Variants in CACNA1E observed in about 807,000 individuals in gnomAD.
CACNA1E encodes the protein calcium voltage-gated channel subunit alpha1 E.
Under a neutral mutation model 259.2 loss-of-function variants are expected in CACNA1E, and 40 were observed. The ratio of observed to expected loss-of-function variants is 0.15; its 90% CI spans 0.12 to 0.20. The LOEUF (loss-of-function observed/expected upper bound fraction) is 0.20. Among genes scored for constraint, CACNA1E ranks in the 10% least tolerant of loss-of-function variants. The probability of loss-of-function intolerance (pLI) is 1.00; values close to 1 mark genes in which losing one functional copy is unlikely to be tolerated. For synonymous variants in CACNA1E, 1,104 were observed against 1,138.5 expected, an observed-to-expected ratio of 0.97 and a Z score of 0.61; for missense variants, 1,874 against 3,040.1, an observed-to-expected ratio of 0.62 and a Z score of 9.02.
At chr1:181,598,915 C>T (rs1166590221) in intron 6 of CACNA1E, among the ~76,000 whole-genome samples, 1 of 152,048 alleles carries the variant, frequency 6.6e-6, no homozygotes, top group Non-Finnish European at 1.5e-5. Context: ...TGGCTGTGGC[C>T]ACACTGTTTC....
intron 3 of CACNA1E, among the ~76,000 whole-genome samples, chr1:181,560,059 T>C (rs1649158144): frequency 6.6e-6 from 1 of 152,022 alleles, no homozygotes. Flanking sequence ...TGACCTTTAG[T>C]CATATTTGAA....
chr1:181,756,118 G>C (rs367855493), intron 29 of CACNA1E, 25 bp downstream of exon 29: 8 of 1,593,098 alleles, frequency 5.0e-6, no homozygotes, highest in Non-Finnish European at 6.9e-6. Context: ...TGTCATGCTT[G>C]TCTGTGGCTG....
At chr1:181,756,184 T>C (rs1259164285) in intron 29 of CACNA1E, 91 bp downstream of exon 29, 6 of 1,249,360 alleles carry the variant, frequency 4.8e-6, no homozygotes, top group Admixed American at 5.0e-5. Context: ...AGGCTCACGC[T>C]TTGTTATTGT....
At chr1:181,606,575 T>G (rs1472387410) in intron 6 of CACNA1E, among the ~76,000 whole-genome samples, 1 of 152,202 alleles carries the variant, frequency 6.6e-6, no homozygotes, top group Admixed American at 6.5e-5. Context: ...TTCAATCCAT[T>G]CTCTACTCCA....
intron 25 of CACNA1E, among the ~76,000 whole-genome samples, chr1:181,744,089 A>G (rs1034467757): frequency 1.3e-5 from 2 of 152,262 alleles, no homozygotes; most frequent in South Asian, 4.1e-4. Context: ...GCCAGAAACG[A>G]AAAACATGAG....
intron 43 of CACNA1E, among the ~76,000 whole-genome samples, chr1:181,789,380 A>G (rs3767022): frequency 0.052 from 7,898 of 152,314 alleles, 254 homozygotes; most frequent in Middle Eastern, 0.11. Flanking sequence ...AATCTAAAAA[A>G]ACATTCCTAT....
intron 7 of CACNA1E, among the ~76,000 whole-genome samples, chr1:181,695,095 A>G (rs531076336): frequency 6.6e-6 from 1 of 152,336 alleles, no homozygotes; most frequent in African/African-American, 2.4e-5. Context: ...AGTTAAATTT[A>G]AATTTAAATT....
chr1:181,409,401 T>C (rs1046479587), intron 1 of CACNA1E, among the ~76,000 whole-genome samples: 2 of 152,172 alleles, frequency 1.3e-5, no homozygotes, highest in African/African-American at 4.8e-5. Flanking sequence ...ATGGCCCCAC[T>C]CAACCATAGA....
Position 181,806,596 on chromosome 1 carries a change from A to G in CACNA1E, c.*7762A>G, listed in dbSNP as rs955968500. On this transcript the variant is annotated 3_prime_UTR_variant, in exon 48 of 48. Coordinates refer to ENST00000367573, the MANE Select transcript of CACNA1E (RefSeq NM_001205293.3). ...TTTGAATGGCAGCTGATGCTGGCCC[A>G]CCCAGAGTATCGGTGCATCTCTCCT... The G allele has an allele frequency of 6.6e-6, 1 of 152,236 alleles. No homozygotes were observed. Among genetic ancestry groups the G allele is most frequent in the Non-Finnish European group, 1.5e-5 (1 of 68,072 alleles). 9.4% of individuals were successfully genotyped at this position (152,236 alleles called of 1,614,324 possible).
At chr1:181,710,846 C>T (rs536954547) in intron 7 of CACNA1E, 108 bp from the exon 8 acceptor site, 1 of 779,446 alleles carries the variant, frequency 1.3e-6, no homozygotes, top group African/African-American at 1.7e-5. Flanking sequence ...GGTACATGGG[C>T]TTAATAGAGG....
At position 181,643,224 on chromosome 1, in the gene CACNA1E, C is replaced by A. The variant is rs142462425; in HGVS notation, c.952-8114C>A. ...TAACCCACATCAGCCCCAGCAGTTA[C>A]AAGAAGACCTTAAAGTCTTTAGAGG... On this transcript the variant is annotated intron_variant, in intron 6 of 47. Coordinates refer to ENST00000367573, the MANE Select transcript of CACNA1E (RefSeq NM_001205293.3). 2.6e-5 allele frequency among the ~76,000 whole-genome samples: 4 copies of A among 152,290 alleles called. No individual in the cohort carries two copies. The East Asian group carries it at 7.7e-4, about 29-fold the overall frequency.
At chr1:181,707,807 A>G (rs1001646109) in intron 7 of CACNA1E, among the ~76,000 whole-genome samples, 6 of 152,170 alleles carry the variant, frequency 3.9e-5, no homozygotes, top group African/African-American at 1.4e-4. Context: ...TACTGAACAT[A>G]TACTATGTGG....
chr1:181,796,520 A>C (rs1302530692), intron 46 of CACNA1E, 148 bp from the exon 47 acceptor site: 2 of 556,936 alleles, frequency 3.6e-6, no homozygotes. Context: ...TTAGGCCTCA[A>C]CATTTGAATT....
intron 26 of CACNA1E, 89 bp downstream of exon 26, chr1:181,750,576 G>A (rs1392005047): frequency 6.0e-5 from 73 of 1,225,684 alleles, no homozygotes; most frequent in Admixed American, 3.2e-4. Context: ...AGGGGCTCAC[G>A]CACTGAGAAA....
intron 1 of CACNA1E, among the ~76,000 whole-genome samples, chr1:181,490,261 A>G (rs1292790431): frequency 6.6e-6 from 1 of 152,186 alleles, no homozygotes; most frequent in African/African-American, 2.4e-5. Context: ...CGGTTATCCA[A>G]GAGATCCTCC....
chr1:181,584,956 T>A (rs1166173907), intron 6 of CACNA1E, among the ~76,000 whole-genome samples: 1 of 152,202 alleles, frequency 6.6e-6, no homozygotes, highest in Non-Finnish European at 1.5e-5. Flanking sequence ...ATACTGTAAG[T>A]GTTACTGTAA....
At chr1:181,355,750 G>C (rs769668771) in intron 1 of CACNA1E, among the ~76,000 whole-genome samples, 5 of 152,194 alleles carry the variant, frequency 3.3e-5, no homozygotes, top group Non-Finnish European at 7.3e-5. Context: ...GCACTGCAAT[G>C]CTTGTTTACA....
intron 1 of CACNA1E, among the ~76,000 whole-genome samples, chr1:181,364,784 G>A (rs1263670085): frequency 3.3e-5 from 5 of 152,158 alleles, no homozygotes; most frequent in Non-Finnish European, 2.9e-5. Context: ...GTGCCATGGG[G>A]TGTGGGAGGA....
intron 1 of CACNA1E, among the ~76,000 whole-genome samples, chr1:181,490,519 C>T (rs1387907672): frequency 6.7e-6 from 1 of 149,062 alleles, no homozygotes; most frequent in Non-Finnish European, 1.5e-5. Flanking sequence ...GAGAGAGGCC[C>T]TGCCTGGCAC....
Sources: gnomAD v4.1 joint callset for allele counts (sites outside exome capture counted in the v4.1 genomes callset) on GRCh38, gnomAD v4.1.1 for gene constraint, MANE v1.5 for transcripts, NCBI Gene and HGNC (gene_info 2026-07-23, HGNC 2026-07-21) for gene names.